The following DOCK8 variants were observed in gnomAD, a reference collection of about 807,000 sequenced individuals.
DOCK8 encodes the protein dedicator of cytokinesis 8.
In DOCK8, 141 loss-of-function variants were observed where a neutral mutation model predicts 245.6. The ratio of observed to expected loss-of-function variants is 0.57; its 90% confidence interval spans 0.50 to 0.66. The LOEUF is 0.66. DOCK8 is among the 30% of genes least tolerant of loss of function. DOCK8 has a pLI of 0.00. For synonymous variants in DOCK8, 1,168 were observed against 970.2 expected (o/e 1.20, Z -3.79); for missense variants, 2,965 against 2,603.4 (o/e 1.14, Z -3.02).
chr9:299,287 G>A (rs1327472939), intron 4 of DOCK8, among the ~76,000 whole-genome samples: 1 of 152,150 alleles, frequency 6.6e-6, no homozygotes, highest in African/African-American at 2.4e-5. Flanking sequence ...ATTTGTGAGA[G>A]TGACTGTTAA....
At chr9:463,473 C>T in intron 46 of DOCK8, 44 bp from the exon 47 acceptor site, 1 of 1,611,582 alleles carries the variant, frequency 6.2e-7, no homozygotes, top group Non-Finnish European at 8.5e-7. Flanking sequence ...TTTCTAAGCA[C>T]TTCAAAGTCA....
At chr9:338,393 A>G (rs779726602) in intron 12 of DOCK8, among the ~76,000 whole-genome samples, 5 of 152,184 alleles carry the variant, frequency 3.3e-5, no homozygotes, top group African/African-American at 7.2e-5. Context: ...TCTATTCAGC[A>G]TACATGTACC....
intron 1 of DOCK8, chr9:215,595 A>T: frequency 1.6e-6 from 1 of 631,104 alleles, no homozygotes. Context: ...AGGAGCCATG[A>T]AGTGGAAAAA....
rs748108775 is a variant in DOCK8 at position 376,316 on chromosome 9, T to A, written c.2205+11T>A. 6.4e-7 allele frequency: 1 copy of A among 1,572,168 alleles called. No homozygotes were observed. Among genetic ancestry groups the A allele is most frequent in the Admixed American group, 1.7e-5 (1 of 59,966 alleles). ...TCTGTACACACCCAGGTAAGGAATGTCAAGGTTAATCATGAAGGTAAAGGT... is the reference window on the plus strand; with the variant it reads ...TCTGTACACACCCAGGTAAGGAATGACAAGGTTAATCATGAAGGTAAAGGT... On this transcript the variant is annotated intron_variant, in intron 19 of 47. Transcript: ENST00000432829.
At chr9:343,320 C>G (rs978903291) in intron 14 of DOCK8, among the ~76,000 whole-genome samples, 3 of 151,902 alleles carry the variant, frequency 2.0e-5, no homozygotes, top group Non-Finnish European at 4.4e-5. Context: ...TAGTGAGACC[C>G]CCATCTCTAC....
chr9:397,360 A>AAG (rs2131400111), intron 25 of DOCK8, among the ~76,000 whole-genome samples: 1 of 141,246 alleles, frequency 7.1e-6, no homozygotes, highest in South Asian at 2.3e-4. Context: ...CAAAAAAAAA[A>AAG]AAAAAAAGAA....
chr9:334,946 G>T (rs1409558510), intron 11 of DOCK8, among the ~76,000 whole-genome samples: 1 of 152,080 alleles, frequency 6.6e-6, no homozygotes. Context: ...TGCTGGGTGT[G>T]GTGGTACACG....
At position 372,217 on chromosome 9, in the gene DOCK8, A is replaced by G; in HGVS notation, c.2040A>G (p.Gln680=). 2 of 1,614,156 alleles carry G rather than the reference A, an allele frequency of 1.2e-6. No individual in the cohort carries two copies. The highest frequency in any genetic ancestry group is 1.7e-6 in the Non-Finnish European group (2 of 1,180,024). Reference sequence around the variant, plus strand: ...CAATTCTCTTAAATGAACGTCTTCAAACTGGATCCTACTGTCTCCCAGTTG... The same window carrying G: ...CAATTCTCTTAAATGAACGTCTTCAGACTGGATCCTACTGTCTCCCAGTTG... The part of the protein sequence containing the change: ...WLPILLNERL[Q]TGSYCLPVAL... The change falls in exon 18 of 48, where the codon CAA becomes CAG. Residue 680 remains glutamine (Q), a synonymous_variant. Coordinates refer to ENST00000432829, the MANE Select transcript of DOCK8 (RefSeq NM_203447.4).
intron 1 of DOCK8, among the ~76,000 whole-genome samples, chr9:231,637 G>T (rs1405328220): frequency 4.6e-5 from 7 of 152,038 alleles, no homozygotes; most frequent in Non-Finnish European, 1.0e-4. Context: ...TGGATTCCTA[G>T]GTATTTTATT....
intron 2 of DOCK8, among the ~76,000 whole-genome samples, chr9:278,840 A>G (rs142797483): frequency 4.6e-3 from 696 of 152,322 alleles, no homozygotes; most frequent in Non-Finnish European, 7.1e-3. Context: ...CAGGCCTCAG[A>G]GACTGTAGAA....
Position 263,210 on chromosome 9 carries a change from A to AT in DOCK8, c.54-8417_54-8416insT, listed in dbSNP as rs1328307561. Among the ~76,000 whole-genome samples, 4 of 107,222 alleles carry AT rather than the reference A, an allele frequency of 3.7e-5. No homozygotes were observed. The East Asian group carries it at 1.4e-3, about 36-fold the overall frequency. The allele number at this position is 107,222 out of a possible 152,430, so 70.3% of individuals were successfully genotyped here. A position where few individuals can be genotyped will look rare whatever the true frequency, so the allele number is the denominator to read the frequency against. ...TGACAGAGGGAGATTCCATCTCAAA[A>AT]GGAAAAAAAAAAAACCTGATATATT... is the stretch of plus-strand genomic sequence containing the variant. On this transcript the variant is annotated intron_variant, in intron 1 of 47. Coordinates refer to ENST00000432829, the MANE Select transcript of DOCK8 (RefSeq NM_203447.4).
chr9:386,337 G>A lies in DOCK8; in HGVS notation c.2785G>A (p.Asp929Asn), dbSNP rs751395001. The A allele has an allele frequency of 1.9e-5, 30 of 1,613,368 alleles. 1 individual carries two copies. The highest frequency in any genetic ancestry group is 3.3e-5 in the South Asian group (3 of 91,014). Residue 929 changes from aspartate (D) to asparagine (N), a missense_variant, in exon 23 of 48, where the codon GAT becomes AAT. Physicochemically the swap from Asp to Asn is conservative, Grantham distance 23. This residue lies in a region of DOCK8 where 2,825 missense variants were observed against 2,453.5 expected (regional missense o/e 1.15). Transcript: ENST00000432829. ...CATGGTTTGTGTATTTTAGATCGCC[G>A]ATCGCAACTGCAGCCGAATGTCTTA... ...VKNIMSSKIA[D>N]RNCSRMSYYC...
chr9:280,436 G>T (rs1220551206), intron 2 of DOCK8, among the ~76,000 whole-genome samples: 1 of 152,226 alleles, frequency 6.6e-6, no homozygotes, highest in Non-Finnish European at 1.5e-5. Context: ...ATATGGATGT[G>T]TGTGAAGGTA....
At chr9:272,972 T>C (rs182024454) in intron 2 of DOCK8, 37 of 925,416 alleles carry the variant, frequency 4.0e-5, no homozygotes, top group Middle Eastern at 5.5e-4. Context: ...AGGTTACTTT[T>C]TGTTTCTACT....
At chr9:317,596 A>C (rs2050403438) in intron 7 of DOCK8, among the ~76,000 whole-genome samples, 1 of 152,202 alleles carries the variant, frequency 6.6e-6, no homozygotes, top group Non-Finnish European at 1.5e-5. Flanking sequence ...CCCGGAGATT[A>C]TTTGTAAAAC....
chr9:383,862 T>C (rs2053833684), intron 22 of DOCK8, among the ~76,000 whole-genome samples: 1 of 152,182 alleles, frequency 6.6e-6, no homozygotes, highest in Non-Finnish European at 1.5e-5. Flanking sequence ...CAGAACAGTT[T>C]TAGAGTTACG....
intron 14 of DOCK8, among the ~76,000 whole-genome samples, chr9:349,239 A>G (rs185522904): frequency 6.6e-6 from 1 of 152,366 alleles, no homozygotes; most frequent in Non-Finnish European, 1.5e-5. Flanking sequence ...ATCAGATGTC[A>G]TGTGTCTTTT....
chr9:259,394 A>ATGG (rs1054713893), intron 1 of DOCK8, among the ~76,000 whole-genome samples: 2 of 152,256 alleles, frequency 1.3e-5, no homozygotes, highest in Admixed American at 6.5e-5. Flanking sequence ...ATTTAAAAAC[A>ATGG]TGGAAGGTTT....
chr9:272,995 AC>A (rs1019634380), intron 2 of DOCK8: 4 of 980,448 alleles, frequency 4.1e-6, no homozygotes, highest in South Asian at 4.7e-5. Flanking sequence ...TTACTTCGAA[AC>A]CACTTCTGCC....
Sources: allele counts gnomAD v4.1 joint callset (sites outside exome capture counted in the v4.1 genomes callset), GRCh38; gene constraint gnomAD v4.1.1; regional missense constraint gnomAD v4.1.1; transcripts MANE v1.5; gene names NCBI Gene and HGNC (gene_info 2026-07-23, HGNC 2026-07-21).